The following MEIOB variants were observed in gnomAD, a reference collection of about 807,000 sequenced individuals.
The protein encoded by MEIOB is meiosis-specific with OB domain-containing protein.
A neutral mutation model predicts 53.1 loss-of-function variants in MEIOB; 50 were observed. The ratio of observed to expected loss-of-function variants is 0.94; its 90% CI spans 0.75 to 1.19. The LOEUF is 1.19. Among genes scored for constraint, MEIOB ranks in the 50% most tolerant of loss-of-function variants. MEIOB has a pLI of 0.00. For synonymous variants in MEIOB, 192 were observed against 182.5 expected (o/e 1.05, Z -0.42); for missense variants, 551 against 550.8 (o/e 1.00, Z 0.00).
intron 13 of MEIOB, among the ~76,000 whole-genome samples, chr16:1,835,857 TTTTTC>T (rs1222927732): frequency 3.1e-5 from 4 of 127,938 alleles, no homozygotes; most frequent in African/African-American, 6.0e-5. Context: ...TTCCAATTCC[TTTTTC>T]TTTTTTTTTT....
At chr16:1,862,222 G>A (rs966520757) in intron 3 of MEIOB, 106 bp from the exon 4 acceptor site, 10 of 830,316 alleles carry the variant, frequency 1.2e-5, no homozygotes, top group Non-Finnish European at 1.8e-5. Flanking sequence ...ATAAACAAAT[G>A]ATTATTTGTT....
intron 11 of MEIOB, chr16:1,839,799 A>T: frequency 1.2e-5 from 2 of 170,656 alleles, no homozygotes; most frequent in South Asian, 1.6e-4. Flanking sequence ...CTCAGGACTG[A>T]CTGGTGCTGT....
chr16:1,846,732 T>A (rs1251191000), intron 9 of MEIOB, among the ~76,000 whole-genome samples: 1 of 151,296 alleles, frequency 6.6e-6, no homozygotes, highest in Non-Finnish European at 1.5e-5. Flanking sequence ...TTCTCACTCA[T>A]AAGTGGGAGC....
intron 7 of MEIOB, among the ~76,000 whole-genome samples, chr16:1,853,532 A>C (rs1243657887): frequency 1.3e-5 from 2 of 152,152 alleles, no homozygotes; most frequent in Non-Finnish European, 2.9e-5. Flanking sequence ...TCCAACACTT[A>C]ATCACTCCAG....
At chr16:1,840,583 G>A (rs889624215) in intron 11 of MEIOB, among the ~76,000 whole-genome samples, 4 of 149,292 alleles carry the variant, frequency 2.7e-5, no homozygotes, top group Non-Finnish European at 4.4e-5. Context: ...TCGCTCTGTC[G>A]CCCAGGATGG....
At chr16:1,838,928 G>A (rs779010621) in intron 12 of MEIOB, among the ~76,000 whole-genome samples, 3 of 152,184 alleles carry the variant, frequency 2.0e-5, no homozygotes, top group African/African-American at 4.8e-5. Context: ...CTGACCTCAA[G>A]TGATCCGCCC....
At position 1,858,585 on chromosome 16, in the gene MEIOB, C is replaced by A. The variant is rs182932068; in HGVS notation, c.333-655G>T. 9.0e-4 allele frequency among the ~76,000 whole-genome samples: 137 copies of A among 152,270 alleles called. 1 individual carries two copies. Among genetic ancestry groups the A allele is most frequent in the Non-Finnish European group, 1.8e-3 (120 of 68,030 alleles). On this transcript the variant is annotated intron_variant, in intron 5 of 13. Transcript: ENST00000325962. Reference sequence around the variant, plus strand: ...GTCCATCCTCCATAAGCAAAGTGATCTTCCTAAACCACAAATATGAAAATA... The same window carrying A: ...GTCCATCCTCCATAAGCAAAGTGATATTCCTAAACCACAAATATGAAAATA...
chr16:1,846,689 C>G (rs775468854), intron 9 of MEIOB, among the ~76,000 whole-genome samples: 36 of 152,146 alleles, frequency 2.4e-4, no homozygotes, highest in Non-Finnish European at 3.5e-4. Flanking sequence ...TCTCAGCAAA[C>G]TAACACAGGA....
At chr16:1,863,893 C>A (rs1218344406) in intron 3 of MEIOB, among the ~76,000 whole-genome samples, 1 of 152,178 alleles carries the variant, frequency 6.6e-6, no homozygotes, top group East Asian at 1.9e-4. Flanking sequence ...GGCGCAGTTG[C>A]TCCTGCCTAT....
In MEIOB at chr16:1,857,896, T is replaced by C. The variant is rs1401180288; in HGVS notation, c.367A>G (p.Thr123Ala). Residue 123 changes from threonine (T) to alanine (A), a missense_variant, in exon 6 of 14, where the codon ACA becomes GCA. Transcript: ENST00000325962. ...CKLLLSENHS[T>A]VKVCSSYEVD... ...TCATAACTGGAACAAACTTTTACTG[T>C]TGAGTGATTCTCACTGAGCAACAGT... is the stretch of plus-strand genomic sequence containing the variant. 10 of 1,550,848 alleles carry C rather than the reference T, an allele frequency of 6.4e-6. No homozygotes were observed. The highest frequency in any genetic ancestry group is 2.0e-5 in the Admixed American group (1 of 50,858).
intron 11 of MEIOB, 32 bp downstream of exon 11, chr16:1,841,788 A>C (rs1025707613): frequency 5.5e-6 from 8 of 1,445,956 alleles, no homozygotes; most frequent in Non-Finnish European, 7.4e-6. Flanking sequence ...TCTTACAAAA[A>C]TGAATTTGCT....
chr16:1,848,939 G>C (rs1321461293), intron 9 of MEIOB, among the ~76,000 whole-genome samples: 1 of 152,130 alleles, frequency 6.6e-6, no homozygotes, highest in Non-Finnish European at 1.5e-5. Context: ...CATGGGAATA[G>C]CACTTCTCAG....
At chr16:1,854,845 A>G (rs1010096134) in intron 6 of MEIOB, among the ~76,000 whole-genome samples, 5 of 152,112 alleles carry the variant, frequency 3.3e-5, no homozygotes, top group East Asian at 1.9e-4. Flanking sequence ...AAAAAAAAAA[A>G]AAGAAGAGTT....
chr16:1,870,357 T>C (rs917739737), intron 1 of MEIOB, among the ~76,000 whole-genome samples: 87 of 152,344 alleles, frequency 5.7e-4, no homozygotes, highest in African/African-American at 2.0e-3. Flanking sequence ...AATTGTAAGC[T>C]ACACCAAACA....
chr16:1,839,240 C>A lies in MEIOB; in HGVS notation c.1218+15G>T. On this transcript the variant is annotated intron_variant, in intron 12 of 13. Coordinates refer to ENST00000325962, the MANE Select transcript of MEIOB (RefSeq NM_001163560.3). The stretch of plus-strand genomic sequence containing the variant: ...TTGGAAATATTCTAAACATTTCTTC[C>A]TTTTTGCTATTTACCGTGCAGCCCA... 6.4e-7 allele frequency: 1 copy of A among 1,552,742 alleles called. No individual in the cohort carries two copies.
intron 13 of MEIOB, among the ~76,000 whole-genome samples, chr16:1,834,984 G>A (rs1269931786): frequency 6.7e-6 from 1 of 149,538 alleles, no homozygotes; most frequent in Non-Finnish European, 1.5e-5. Context: ...GCTGGGTGAG[G>A]TGGCTCATGC....
At chr16:1,862,363 T>C (rs1899468988) in intron 3 of MEIOB, among the ~76,000 whole-genome samples, 1 of 152,178 alleles carries the variant, frequency 6.6e-6, no homozygotes, top group African/African-American at 2.4e-5. Flanking sequence ...GCCCCCTTGC[T>C]CCCTTCCCTG....
At chr16:1,851,811 G>T (rs551377778) in intron 9 of MEIOB, among the ~76,000 whole-genome samples, 20 of 152,310 alleles carry the variant, frequency 1.3e-4, no homozygotes, top group African/African-American at 4.3e-4. Context: ...CCAGCAGCGT[G>T]AGCGTATGTT....
chr16:1,862,353 G>GC (rs1292630435), intron 3 of MEIOB, among the ~76,000 whole-genome samples: 1 of 152,168 alleles, frequency 6.6e-6, no homozygotes, highest in African/African-American at 2.4e-5. Context: ...GTAACAGGTT[G>GC]CCCCCTTGCT....
Sources: gnomAD v4.1 joint callset for allele counts (sites outside exome capture counted in the v4.1 genomes callset) on GRCh38, gnomAD v4.1.1 for gene constraint, MANE v1.5 for transcripts, NCBI Gene and HGNC (gene_info 2026-07-23, HGNC 2026-07-21) for gene names.